REEP3: variants seen among roughly 807,000 people sequenced by gnomAD.
The protein encoded by REEP3 is receptor expression-enhancing protein 3.
In REEP3, 20 loss-of-function variants were observed where a neutral mutation model predicts 41.3. The observed-to-expected ratio is 0.48, with a 90% CI of 0.34 to 0.70. The LOEUF is 0.70. Among genes scored for constraint, REEP3 ranks in the 30% least tolerant of loss-of-function variants. The pLI, the probability that REEP3 is intolerant of heterozygous loss-of-function variation, is 0.01. For missense variants in REEP3, 271 were observed against 308.8 expected, an observed-to-expected ratio of 0.88 and a Z score of 0.92; for synonymous variants, 104 against 101.8, an observed-to-expected ratio of 1.02 and a Z score of -0.13.
intron 1 of REEP3, among the ~76,000 whole-genome samples, chr10:63,546,413 A>G (rs978242259): frequency 2.6e-5 from 4 of 152,168 alleles, no homozygotes; most frequent in Non-Finnish European, 4.4e-5. Flanking sequence ...ATTCAAAGTG[A>G]AGAAACCTCA....
At chr10:63,588,651 T>C (rs1318782685) in intron 2 of REEP3, among the ~76,000 whole-genome samples, 1 of 152,176 alleles carries the variant, frequency 6.6e-6, no homozygotes, top group Non-Finnish European at 1.5e-5. Flanking sequence ...AAAATAAAAG[T>C]CTTTGTCATC....
At chr10:63,573,907 T>G (rs1955875528) in intron 2 of REEP3, among the ~76,000 whole-genome samples, 1 of 152,204 alleles carries the variant, frequency 6.6e-6, no homozygotes, top group Non-Finnish European at 1.5e-5. Context: ...ATGATGGGAT[T>G]TTTACTGAAA....
Position 63,623,755 on chromosome 10 carries a change from A to ATGTGTGTGTGTGTG in REEP3, c.*2916_*2929dup, listed in dbSNP as rs57254958. The ATGTGTGTGTGTGTG allele has an allele frequency of 6.3e-5, 9 of 142,424 alleles. 1 individual carries two copies. Among genetic ancestry groups the ATGTGTGTGTGTGTG allele is most frequent in the South Asian group, 4.6e-4 (2 of 4,358 alleles). The allele number at this position is 142,424 out of a possible 1,614,324, so 8.8% of individuals were successfully genotyped here. A position where few individuals can be genotyped will look rare whatever the true frequency, so the allele number is the denominator to read the frequency against. Reference sequence around the variant, plus strand: ...CCCCCTCACATACTTCACAATATATATGTGTGTGTGTGTGTGTGTGTGTGT... The same window carrying ATGTGTGTGTGTGTG: ...CCCCCTCACATACTTCACAATATATATGTGTGTGTGTGTGTGTGTGTGTGTGTGTGTGTGTGTGT... On this transcript the variant is annotated 3_prime_UTR_variant, in exon 8 of 8. Coordinates refer to ENST00000373758, the MANE Select transcript of REEP3 (RefSeq NM_001001330.3).
chr10:63,590,838 C>A (rs1956055207), intron 2 of REEP3, among the ~76,000 whole-genome samples: 1 of 152,216 alleles, frequency 6.6e-6, no homozygotes, highest in Non-Finnish European at 1.5e-5. Context: ...TTTGTTCTCA[C>A]TTCCCCGATA....
intron 7 of REEP3, 117 bp downstream of exon 7, chr10:63,619,917 G>GTTT: frequency 1.3e-5 from 3 of 228,850 alleles, no homozygotes; most frequent in Non-Finnish European, 2.2e-5. Context: ...ACAGCAGTTT[G>GTTT]ATTTTTTTTT....
chr10:63,570,373 G>T (rs1420539106), intron 2 of REEP3, among the ~76,000 whole-genome samples: 2 of 152,168 alleles, frequency 1.3e-5, no homozygotes, highest in Non-Finnish European at 2.9e-5. Context: ...GTTGTTTTCA[G>T]AGAATACTCA....
chr10:63,534,833 C>T (rs74379953), intron 1 of REEP3, among the ~76,000 whole-genome samples: 3,507 of 152,252 alleles, frequency 0.023, 56 homozygotes, highest in Non-Finnish European at 0.039. Flanking sequence ...AATGAAATGA[C>T]CTATAACCCT....
At chr10:63,599,965 A>G (rs1008703670) in intron 5 of REEP3, among the ~76,000 whole-genome samples, 1 of 152,196 alleles carries the variant, frequency 6.6e-6, no homozygotes, top group Non-Finnish European at 1.5e-5. Flanking sequence ...TAGTTGCTTC[A>G]TGTATAAAAT....
At chr10:63,611,811 A>G (rs1412646189) in intron 6 of REEP3, among the ~76,000 whole-genome samples, 1 of 151,050 alleles carries the variant, frequency 6.6e-6, no homozygotes, top group African/African-American at 2.4e-5. Flanking sequence ...TTAGCTGAGT[A>G]TGGTGGTATT....
At chr10:63,554,258 T>G (rs1955656943) in intron 1 of REEP3, among the ~76,000 whole-genome samples, 1 of 152,184 alleles carries the variant, frequency 6.6e-6, no homozygotes, top group African/African-American at 2.4e-5. Flanking sequence ...AATCAGGAAT[T>G]GGTCAGATCA....
chr10:63,562,862 C>A, intron 1 of REEP3: 3 of 451,282 alleles, frequency 6.6e-6, no homozygotes, highest in Non-Finnish European at 1.3e-5. Context: ...TCTGTCTCCC[C>A]AAACTTCATA....
chr10:63,554,429 C>T lies in REEP3; in HGVS notation c.33-11909C>T, dbSNP rs553801758. Among the ~76,000 whole-genome samples, 6 of 152,118 alleles carry T rather than the reference C, an allele frequency of 3.9e-5. No individual in the cohort carries two copies. The South Asian group carries it at 8.3e-4, about 21-fold the overall frequency. On this transcript the variant is annotated intron_variant, in intron 1 of 7. Transcript: ENST00000373758. ...GGAATTACAATTGTTTAGAGAACTT[C>T]GGAATATTGACATCATCGAACTGTT... is the stretch of plus-strand genomic sequence containing the variant.
intron 6 of REEP3, among the ~76,000 whole-genome samples, chr10:63,618,332 G>A (rs932788806): frequency 2.3e-5 from 3 of 129,098 alleles, no homozygotes; most frequent in Admixed American, 1.9e-4. Flanking sequence ...TGCAAGCTCC[G>A]CCTCCCGGAT....
At chr10:63,586,460 A>G (rs1039914682) in intron 2 of REEP3, among the ~76,000 whole-genome samples, 6 of 152,190 alleles carry the variant, frequency 3.9e-5, no homozygotes, top group African/African-American at 1.4e-4. Flanking sequence ...AATGACTTTA[A>G]GATTCCATTT....
rs542721122 is a variant in REEP3 at position 63,561,687 on chromosome 10, G to A, written c.33-4651G>A. On this transcript the variant is annotated intron_variant, in intron 1 of 7. Transcript: ENST00000373758. ...TGTTGGGAAGCTATTCAGTAAGTCC[G>A]ATGAGATGGCATGAGCCCAGATGTA... 4.6e-5 allele frequency among the ~76,000 whole-genome samples: 7 copies of A among 152,332 alleles called. No homozygotes were observed. The South Asian group carries it at 1.2e-3, about 27-fold the overall frequency.
chr10:63,544,800 G>A (rs1187805058), intron 1 of REEP3, among the ~76,000 whole-genome samples: 1 of 152,102 alleles, frequency 6.6e-6, no homozygotes, highest in African/African-American at 2.4e-5. Flanking sequence ...AGTTTTTAAA[G>A]TAACATTTGG....
chr10:63,551,123 G>A (rs903144338), intron 1 of REEP3, among the ~76,000 whole-genome samples: 2 of 152,180 alleles, frequency 1.3e-5, no homozygotes, highest in Admixed American at 1.3e-4. Context: ...TTAGAGACAT[G>A]TTGATTCTAG....
At chr10:63,574,874 T>TTG (rs1955884369) in intron 2 of REEP3, among the ~76,000 whole-genome samples, 1 of 113,598 alleles carries the variant, frequency 8.8e-6, no homozygotes, top group African/African-American at 2.7e-5. Flanking sequence ...TTTTTTTTTT[T>TTG]TGAGACAGAG....
Position 63,625,043 on chromosome 10 carries a change from G to T in REEP3, c.*4174G>T, listed in dbSNP as rs1033606433. ...GTCTTTCTAGATAGCATTTTAAATGGAATTATTTTCATTTTCATTATGAGG... is the reference window on the plus strand; with the variant it reads ...GTCTTTCTAGATAGCATTTTAAATGTAATTATTTTCATTTTCATTATGAGG... On this transcript the variant is annotated 3_prime_UTR_variant, in exon 8 of 8. Transcript: ENST00000373758. The T allele has an allele frequency of 6.6e-6, 1 of 152,004 alleles. No individual in the cohort carries two copies. The highest frequency in any genetic ancestry group is 1.5e-5 in the Non-Finnish European group (1 of 67,940). 9.4% of individuals were successfully genotyped at this position (152,004 alleles called of 1,614,324 possible).
Sources: allele counts gnomAD v4.1 joint callset (sites outside exome capture counted in the v4.1 genomes callset), GRCh38; gene constraint gnomAD v4.1.1; transcripts MANE v1.5; gene names NCBI Gene and HGNC (gene_info 2026-07-23, HGNC 2026-07-21).